DOCK10: variants seen among roughly 807,000 people sequenced by gnomAD.
DOCK10 encodes the protein dedicator of cytokinesis protein 10.
Under a neutral mutation model 280.1 loss-of-function variants are expected in DOCK10, and 145 were observed. That is an observed-to-expected ratio of 0.52 (90% CI 0.45 to 0.59). The LOEUF is 0.59. Ranked by LOEUF, DOCK10 falls within the 20% of genes least tolerant of loss-of-function variation. The pLI is 0.00. For synonymous variants in DOCK10, 915 were observed against 942.2 expected (o/e 0.97, Z 0.53); for missense variants, 2,368 against 2,651.7 (o/e 0.89, Z 2.35).
At chr2:224,938,394 T>A (rs1702817566) in intron 1 of DOCK10, among the ~76,000 whole-genome samples, 1 of 152,186 alleles carries the variant, frequency 6.6e-6, no homozygotes, top group Non-Finnish European at 1.5e-5. Context: ...AAATAGGTAT[T>A]TAGTTTGGTA....
At chr2:225,006,447 G>A (rs570952418) in intron 1 of DOCK10, among the ~76,000 whole-genome samples, 14 of 152,218 alleles carry the variant, frequency 9.2e-5, no homozygotes, top group Non-Finnish European at 1.5e-4. Flanking sequence ...CTTAAATGTC[G>A]ACATACCTCC....
At chr2:224,846,615 G>A (rs1696372127) in intron 19 of DOCK10, among the ~76,000 whole-genome samples, 1 of 151,006 alleles carries the variant, frequency 6.6e-6, no homozygotes, top group East Asian at 1.9e-4. Context: ...TCCTGCCTCA[G>A]CCTCCCGAGT....
chr2:224,833,162 G>C (rs1695346165), intron 26 of DOCK10, among the ~76,000 whole-genome samples: 1 of 152,084 alleles, frequency 6.6e-6, no homozygotes, highest in African/African-American at 2.4e-5. Context: ...AGCAATCAGA[G>C]GGATCCTTTT....
At chr2:224,902,382 T>C (rs16866313) in intron 3 of DOCK10, among the ~76,000 whole-genome samples, 16,694 of 152,196 alleles carry the variant, frequency 0.11, 2,365 homozygotes, top group African/African-American at 0.34. Context: ...TTTTGGCCCT[T>C]AGTCACCACT....
intron 4 of DOCK10, among the ~76,000 whole-genome samples, chr2:224,895,832 CGT>C (rs1241925020): frequency 1.2e-5 from 1 of 86,926 alleles, no homozygotes; most frequent in Non-Finnish European, 2.3e-5. Context: ...TGTGTGTGTG[CGT>C]GTGTGTGTAT....
At chr2:224,821,890 CTT>C (rs528902402) in intron 28 of DOCK10, among the ~76,000 whole-genome samples, 86 of 152,062 alleles carry the variant, frequency 5.7e-4, no homozygotes, top group African/African-American at 1.8e-3. Context: ...ATTCTTGTCT[CTT>C]TCTGGAAGCA....
chr2:224,930,507 C>T (rs1702293033), intron 2 of DOCK10, among the ~76,000 whole-genome samples: 1 of 151,848 alleles, frequency 6.6e-6, no homozygotes, highest in Non-Finnish European at 1.5e-5. Flanking sequence ...TGATTCTTCA[C>T]ACTTGAAACA....
intron 1 of DOCK10, among the ~76,000 whole-genome samples, chr2:224,953,720 T>C (rs958043767): frequency 6.6e-6 from 1 of 152,362 alleles, no homozygotes; most frequent in Non-Finnish European, 1.5e-5. Flanking sequence ...TTTGCGATTA[T>C]TTTTAAAATA....
At chr2:224,979,575 TC>T (rs1489375072) in intron 1 of DOCK10, among the ~76,000 whole-genome samples, 5 of 152,340 alleles carry the variant, frequency 3.3e-5, no homozygotes, top group African/African-American at 9.6e-5. Context: ...TCCTTTCTGT[TC>T]TTCTAACACT....
At chr2:225,014,585 T>A (rs1689540509) in intron 1 of DOCK10, among the ~76,000 whole-genome samples, 1 of 152,162 alleles carries the variant, frequency 6.6e-6, no homozygotes, top group Non-Finnish European at 1.5e-5. Flanking sequence ...TTTGTGTCTT[T>A]TTTTTCCCCA....
At chr2:224,804,746 A>G (rs1333331123) in intron 38 of DOCK10, 48 bp downstream of exon 38, 3 of 1,228,700 alleles carry the variant, frequency 2.4e-6, no homozygotes, top group African/African-American at 1.6e-5. Context: ...TACATGTCAT[A>G]TGCTTTTTAA....
chr2:224,798,106 C>G (rs1026906047), intron 41 of DOCK10, 137 bp from the exon 42 acceptor site: 14 of 810,362 alleles, frequency 1.7e-5, no homozygotes, highest in Non-Finnish European at 2.7e-5. Context: ...CAAGGAGACA[C>G]AGTTCATGTT....
chr2:224,847,811 T>C (rs996729347), intron 19 of DOCK10, among the ~76,000 whole-genome samples: 2 of 152,102 alleles, frequency 1.3e-5, no homozygotes, highest in Non-Finnish European at 2.9e-5. Flanking sequence ...TTTTAAATGA[T>C]TAATGTGCAC....
intron 1 of DOCK10, among the ~76,000 whole-genome samples, chr2:225,020,829 C>T (rs1469630893): frequency 6.6e-6 from 1 of 152,246 alleles, no homozygotes; most frequent in Non-Finnish European, 1.5e-5. Context: ...GTTTCACACA[C>T]ACACACACAT....
chr2:224,883,801 A>T (rs12052387), intron 7 of DOCK10, among the ~76,000 whole-genome samples: 1 of 152,210 alleles, frequency 6.6e-6, no homozygotes, highest in African/African-American at 2.4e-5. Flanking sequence ...GATTAGAGCA[A>T]TAAGTTCTAT....
intron 17 of DOCK10, 48 bp downstream of exon 17, chr2:224,852,887 T>G (rs771307498): frequency 6.8e-7 from 1 of 1,466,468 alleles, no homozygotes; most frequent in Admixed American, 2.0e-5. Context: ...TTATATGGTC[T>G]AAATACGGTG....
At chr2:224,834,902 C>T (rs1395801477) in intron 25 of DOCK10, among the ~76,000 whole-genome samples, 4 of 152,156 alleles carry the variant, frequency 2.6e-5, no homozygotes, top group African/African-American at 9.7e-5. Context: ...TATGCACATA[C>T]ATAAAGTTCA....
chr2:224,979,435 T>C (rs2126244178), intron 1 of DOCK10, among the ~76,000 whole-genome samples: 1 of 152,326 alleles, frequency 6.6e-6, no homozygotes, highest in East Asian at 1.9e-4. Flanking sequence ...CTTCTTCCAG[T>C]GGCTTCCTTT....
intron 1 of DOCK10, among the ~76,000 whole-genome samples, chr2:224,985,544 TG>T (rs1705950213): frequency 6.6e-6 from 1 of 151,472 alleles, no homozygotes; most frequent in Non-Finnish European, 1.5e-5. Flanking sequence ...TGGAGGGAGA[TG>T]TTTTTAACAT....
Sources: gnomAD v4.1 joint callset for allele counts (sites outside exome capture counted in the v4.1 genomes callset) on GRCh38, gnomAD v4.1.1 for gene constraint, MANE v1.5 for transcripts, NCBI Gene and HGNC (gene_info 2026-07-23, HGNC 2026-07-21) for gene names.